Variants in SCMH1 observed in about 807,000 individuals in gnomAD.
SCMH1 encodes the protein Scm polycomb group protein homolog 1.
In SCMH1, 37 loss-of-function variants were observed where a neutral mutation model predicts 70.8. The ratio of observed to expected loss-of-function variants is 0.52; its 90% CI spans 0.40 to 0.69. The LOEUF (loss-of-function observed/expected upper bound fraction) is 0.69. Among genes scored for constraint, SCMH1 ranks in the 30% least tolerant of loss-of-function variants. The pLI is 0.00. For synonymous variants in SCMH1, 292 were observed against 307.4 expected (o/e 0.95, Z 0.52); for missense variants, 607 against 827.3 (o/e 0.73, Z 3.27).
intron 8 of SCMH1, among the ~76,000 whole-genome samples, chr1:41,101,459 A>G (rs1666634759): frequency 1.3e-5 from 2 of 152,226 alleles, no homozygotes; most frequent in African/African-American, 4.8e-5. Flanking sequence ...TTCTTAACCA[A>G]TGTAACTTTT....
chr1:41,079,905 A>G (rs149954561), intron 8 of SCMH1, among the ~76,000 whole-genome samples: 1 of 152,048 alleles, frequency 6.6e-6, no homozygotes, highest in East Asian at 1.9e-4. Flanking sequence ...TTTTTTCATC[A>G]AGTTTATTAC....
intron 6 of SCMH1, among the ~76,000 whole-genome samples, chr1:41,142,085 C>T (rs1435590182): frequency 6.6e-6 from 1 of 152,032 alleles, no homozygotes; most frequent in Non-Finnish European, 1.5e-5. Context: ...ATTCACTATG[C>T]TATTTTTCTC....
At chr1:41,064,404 CA>C (rs1452017167) in intron 10 of SCMH1, among the ~76,000 whole-genome samples, 2 of 152,014 alleles carry the variant, frequency 1.3e-5, no homozygotes, top group African/African-American at 4.8e-5. Flanking sequence ...TGCAGTAAGA[CA>C]AAAAGTAAGA....
chr1:41,080,759 A>G (rs1659761282), intron 8 of SCMH1, among the ~76,000 whole-genome samples: 1 of 152,162 alleles, frequency 6.6e-6, no homozygotes, highest in Non-Finnish European at 1.5e-5. Context: ...GGAATAAAAG[A>G]GAATTTCCTT....
At chr1:41,147,550 G>A (rs921820934) in intron 5 of SCMH1, among the ~76,000 whole-genome samples, 7 of 152,078 alleles carry the variant, frequency 4.6e-5, no homozygotes, top group Non-Finnish European at 1.0e-4. Context: ...TGTCAGTTAG[G>A]TCAAGTTAGT....
intron 8 of SCMH1, among the ~76,000 whole-genome samples, chr1:41,100,908 A>G (rs995711551): frequency 2.0e-5 from 3 of 152,136 alleles, no homozygotes; most frequent in Non-Finnish European, 4.4e-5. Flanking sequence ...TCTCCATTTC[A>G]CACTAATGAG....
intron 13 of SCMH1, among the ~76,000 whole-genome samples, 153 bp from the exon 14 acceptor site, chr1:41,034,201 G>A (rs1398524463): frequency 7.5e-6 from 1 of 133,108 alleles, no homozygotes; most frequent in East Asian, 2.7e-4. Context: ...CTCTCTACTT[G>A]AGAGCCCTTT....
intron 1 of SCMH1, among the ~76,000 whole-genome samples, chr1:41,233,773 C>T (rs922204674): frequency 5.3e-5 from 8 of 152,088 alleles, no homozygotes; most frequent in Non-Finnish European, 8.8e-5. Context: ...TGAAACTTAC[C>T]GTTGTTCTCT....
intron 1 of SCMH1, among the ~76,000 whole-genome samples, chr1:41,221,893 C>CAAAAAAAAAAAAAAAAA: frequency 2.2e-5 from 1 of 45,020 alleles, no homozygotes; most frequent in Non-Finnish European, 3.5e-5. Context: ...GACTCCGTCT[C>CAAAAAAAAAAAAAAAAA]AAAAAAAAAA....
chr1:41,159,726 T>C (rs748087601), intron 4 of SCMH1: 5 of 1,532,816 alleles, frequency 3.3e-6, no homozygotes, highest in South Asian at 2.5e-5. Flanking sequence ...CACCTTTACC[T>C]GCATTATTTC....
chr1:41,054,657 T>C (rs1158790150), intron 10 of SCMH1, among the ~76,000 whole-genome samples: 2 of 152,098 alleles, frequency 1.3e-5, no homozygotes, highest in Non-Finnish European at 2.9e-5. Flanking sequence ...ATCTTAAGAG[T>C]ACTGTCCTAC....
At chr1:41,217,468 T>C (rs530752545) in intron 1 of SCMH1, among the ~76,000 whole-genome samples, 1 of 152,294 alleles carries the variant, frequency 6.6e-6, no homozygotes, top group Admixed American at 6.5e-5. Flanking sequence ...ATCCAGATAG[T>C]GTGCTCTGGA....
At chr1:41,138,279 C>G (rs1423450370) in intron 6 of SCMH1, among the ~76,000 whole-genome samples, 11 of 152,088 alleles carry the variant, frequency 7.2e-5, no homozygotes, top group Non-Finnish European at 1.6e-4. Flanking sequence ...GTTGACCAAT[C>G]TGAATCAAAA....
intron 5 of SCMH1, among the ~76,000 whole-genome samples, chr1:41,145,160 T>C (rs557777466): frequency 1.3e-4 from 20 of 152,316 alleles, no homozygotes; most frequent in African/African-American, 4.8e-4. Context: ...TCCAAGGTCA[T>C]GAAGATTTCC....
At chr1:41,168,344 G>C (rs980599419) in intron 2 of SCMH1, among the ~76,000 whole-genome samples, 1 of 151,396 alleles carries the variant, frequency 6.6e-6, no homozygotes, top group African/African-American at 2.4e-5. Flanking sequence ...TTTTCTTTTT[G>C]CTCAGATTGG....
intron 5 of SCMH1, among the ~76,000 whole-genome samples, chr1:41,145,829 T>C (rs894596861): frequency 2.6e-5 from 4 of 152,136 alleles, no homozygotes; most frequent in African/African-American, 9.7e-5. Context: ...ACATTTGTGG[T>C]GATGCTGGTG....
intron 1 of SCMH1, among the ~76,000 whole-genome samples, chr1:41,197,164 TATC>T (rs1336617134): frequency 6.6e-6 from 1 of 152,128 alleles, no homozygotes; most frequent in Non-Finnish European, 1.5e-5. Flanking sequence ...AATGTGGAAT[TATC>T]ATATGATCCA....
intron 8 of SCMH1, among the ~76,000 whole-genome samples, chr1:41,105,598 A>G (rs1667691277): frequency 6.6e-6 from 1 of 152,202 alleles, no homozygotes; most frequent in Non-Finnish European, 1.5e-5. Context: ...TACATGGTAC[A>G]GGGCTTGTTT....
At chr1:41,060,712 G>A (rs888393592) in intron 10 of SCMH1, among the ~76,000 whole-genome samples, 3 of 151,976 alleles carry the variant, frequency 2.0e-5, no homozygotes, top group African/African-American at 4.8e-5. Context: ...TGGTACTATC[G>A]TAACTCACTG....
Sources: allele counts gnomAD v4.1 joint callset (sites outside exome capture counted in the v4.1 genomes callset), GRCh38; gene constraint gnomAD v4.1.1; transcripts MANE v1.5; gene names NCBI Gene and HGNC (gene_info 2026-07-23, HGNC 2026-07-21).